CNTNAP4: variants seen among roughly 807,000 people sequenced by gnomAD.
CNTNAP4 encodes the protein contactin-associated protein-like 4.
In CNTNAP4, 98 loss-of-function variants were observed where a neutral mutation model predicts 148.4. That is an observed-to-expected ratio of 0.66 (90% CI 0.56 to 0.78). CNTNAP4 has a LOEUF of 0.78. Among genes scored for constraint, CNTNAP4 ranks in the 30% least tolerant of loss-of-function variants. CNTNAP4 has a pLI of 0.00. For synonymous variants in CNTNAP4, 730 were observed against 565.1 expected (o/e 1.29, Z -4.14); for missense variants, 1,935 against 1,565.6 (o/e 1.24, Z -3.98).
chr16:76,501,514 C>G (rs2082641877), intron 15 of CNTNAP4, among the ~76,000 whole-genome samples: 1 of 152,210 alleles, frequency 6.6e-6, no homozygotes, highest in Non-Finnish European at 1.5e-5. Flanking sequence ...AGCAGTGATT[C>G]TCCATCCAAG....
At chr16:76,288,253 T>C (rs908819162) in intron 1 of CNTNAP4, among the ~76,000 whole-genome samples, 8 of 152,134 alleles carry the variant, frequency 5.3e-5, no homozygotes, top group Admixed American at 2.0e-4. Context: ...GCCGTGATTT[T>C]AAGTTTCCTG....
intron 1 of CNTNAP4, among the ~76,000 whole-genome samples, chr16:76,285,160 T>G (rs759077515): frequency 2.0e-5 from 3 of 149,964 alleles, no homozygotes; most frequent in Non-Finnish European, 4.4e-5. Flanking sequence ...TGCTTGGGTG[T>G]TTTTTTTCCC....
At chr16:76,491,356 T>C (rs911702054) in intron 13 of CNTNAP4, among the ~76,000 whole-genome samples, 2 of 152,206 alleles carry the variant, frequency 1.3e-5, no homozygotes, top group Non-Finnish European at 2.9e-5. Context: ...AGAACATAGA[T>C]AGATGAAACC....
chr16:76,434,061 T>G (rs1238599288), intron 4 of CNTNAP4, among the ~76,000 whole-genome samples: 1 of 150,188 alleles, frequency 6.7e-6, no homozygotes, highest in Non-Finnish European at 1.5e-5. Context: ...CACACATATA[T>G]AGAAATTTAT....
At chr16:76,309,816 G>T in intron 1 of CNTNAP4, 4 of 699,900 alleles carry the variant, frequency 5.7e-6, no homozygotes, top group African/African-American at 1.7e-5. Flanking sequence ...CATGAGATCT[G>T]ATGGGTTGCT....
intron 9 of CNTNAP4, among the ~76,000 whole-genome samples, chr16:76,464,993 G>A (rs553200699): frequency 4.5e-4 from 69 of 152,246 alleles, no homozygotes; most frequent in African/African-American, 1.6e-3. Flanking sequence ...AACACAACAT[G>A]CAGCACAATC....
In CNTNAP4 at chr16:76,448,796, C is replaced by G; in HGVS notation, c.772C>G (p.Leu258Val). The G allele has an allele frequency of 1.2e-6, 2 of 1,610,692 alleles. No individual in the cohort carries two copies. Among genetic ancestry groups the G allele is most frequent in the Non-Finnish European group, 8.5e-7 (1 of 1,178,570 alleles). Residue 258 changes from leucine (L) to valine (V), a missense_variant, in exon 6 of 24, where the codon CTG becomes GTG. Leu to Val is a conservative substitution (Grantham distance 32). Coordinates refer to ENST00000611870, the MANE Select transcript of CNTNAP4 (RefSeq NM_033401.5). ...AGCTAAACTGCCTTCCACTTCCACC[C>G]TGGTCAATCTCACCCTGGGCAGCCT... ...GEAKLPSTST[L>V]VNLTLGSLLD...
chr16:76,550,316 A>G (rs1011790210), intron 21 of CNTNAP4, among the ~76,000 whole-genome samples: 6 of 152,166 alleles, frequency 3.9e-5, no homozygotes, highest in African/African-American at 7.2e-5. Flanking sequence ...ATACTCAAAC[A>G]TCCGGGCATT....
chr16:76,557,353 A>G (rs2085240496), intron 23 of CNTNAP4: 1 of 152,214 alleles, frequency 6.6e-6, no homozygotes, highest in Admixed American at 6.5e-5. Flanking sequence ...TCAAATAAAA[A>G]TGGTGTTACA....
At chr16:76,355,824 A>G (rs531529992) in intron 3 of CNTNAP4, among the ~76,000 whole-genome samples, 2 of 151,316 alleles carry the variant, frequency 1.3e-5, no homozygotes, top group East Asian at 2.0e-4. Flanking sequence ...CAAAAACATA[A>G]TAGTCTTGCA....
At chr16:76,467,012 A>G (rs1324278115) in intron 9 of CNTNAP4, among the ~76,000 whole-genome samples, 1 of 152,120 alleles carries the variant, frequency 6.6e-6, no homozygotes, top group African/African-American at 2.4e-5. Flanking sequence ...TCAAAATACT[A>G]AGTTCCCATC....
At chr16:76,309,840 T>G in intron 1 of CNTNAP4, 2 of 700,716 alleles carry the variant, frequency 2.9e-6, no homozygotes, top group Non-Finnish European at 5.2e-6. Context: ...GGGTTTCCGC[T>G]TTTGCTGCTT....
chr16:76,489,412 T>C (rs962619973), intron 12 of CNTNAP4, among the ~76,000 whole-genome samples: 1 of 152,146 alleles, frequency 6.6e-6, no homozygotes, highest in Non-Finnish European at 1.5e-5. Flanking sequence ...TCTTAATATT[T>C]TTCATCATAA....
intron 4 of CNTNAP4, among the ~76,000 whole-genome samples, chr16:76,440,004 G>T (rs1304882325): frequency 1.3e-5 from 2 of 150,826 alleles, no homozygotes; most frequent in East Asian, 3.9e-4. Context: ...GACTCAGTCT[G>T]ATTTGTGTTT....
intron 3 of CNTNAP4, among the ~76,000 whole-genome samples, chr16:76,402,251 G>A (rs181166873): frequency 2.6e-4 from 39 of 152,036 alleles, no homozygotes; most frequent in Middle Eastern, 6.8e-3. Flanking sequence ...AATTTCTTCC[G>A]GGTTTAGTCT....
At chr16:76,535,824 C>T (rs777227011) in intron 18 of CNTNAP4, 40 bp downstream of exon 18, 8 of 1,575,410 alleles carry the variant, frequency 5.1e-6, no homozygotes, top group Non-Finnish European at 5.2e-6. Context: ...AAAATTTATT[C>T]AATGTGGATT....
chr16:76,364,288 T>C (rs1455699238), intron 3 of CNTNAP4, among the ~76,000 whole-genome samples: 1 of 147,786 alleles, frequency 6.8e-6, no homozygotes, highest in Admixed American at 6.8e-5. Context: ...TGAACTCTTA[T>C]GAGCTGTAGA....
At position 76,513,141 on chromosome 16, in the gene CNTNAP4, T is replaced by C. The variant is rs78491765; in HGVS notation, c.2366-7999T>C. Among the ~76,000 whole-genome samples the C allele has an allele frequency of 3.0e-3, 451 of 152,296 alleles. 1 individual carries two copies. Among genetic ancestry groups the C allele is most frequent in the African/African-American group, 0.011 (444 of 41,574 alleles). On this transcript the variant is annotated intron_variant, in intron 15 of 23. Coordinates refer to ENST00000611870, the MANE Select transcript of CNTNAP4 (RefSeq NM_033401.5). Reference sequence around the variant, plus strand: ...AAGAGAGATCCAGTAAATAAATCCCTGCATTGTGGACGGTTAATTCATTCT... The same window carrying C: ...AAGAGAGATCCAGTAAATAAATCCCCGCATTGTGGACGGTTAATTCATTCT...
At chr16:76,400,121 G>C (rs796150050) in intron 3 of CNTNAP4, among the ~76,000 whole-genome samples, 4 of 152,286 alleles carry the variant, frequency 2.6e-5, no homozygotes, top group African/African-American at 9.6e-5. Context: ...GCAGCCTTGT[G>C]ATCTGGACCG....
Sources: gnomAD v4.1 joint callset for allele counts (sites outside exome capture counted in the v4.1 genomes callset) on GRCh38, gnomAD v4.1.1 for gene constraint, MANE v1.5 for transcripts, NCBI Gene and HGNC (gene_info 2026-07-23, HGNC 2026-07-21) for gene names.